Variants in DNAH17 observed in about 807,000 individuals in gnomAD.
DNAH17 encodes axonemal beta dynein heavy chain 17.
A neutral mutation model predicts 485.6 loss-of-function variants in DNAH17; 376 were observed. The ratio of observed to expected loss-of-function variants is 0.77; its 90% CI spans 0.71 to 0.84. The LOEUF is 0.84. Ranked by LOEUF, DNAH17 falls within the 40% of genes least tolerant of loss-of-function variation. DNAH17 has a pLI of 0.00. For synonymous variants in DNAH17, 3,031 were observed against 2,405.9 expected (o/e 1.26, Z -7.60); for missense variants, 6,370 against 5,839.3 (o/e 1.09, Z -2.96).
At position 78,491,457 on chromosome 17, in the gene DNAH17, T is replaced by C; in HGVS notation, c.6655A>G (p.Met2219Val). ...GGCCCGCGAACCTTGTTGTCATCCA[T>C]GACTGTGTTGAGAGACTCGATCCAC... is the stretch of plus-strand genomic sequence containing the variant. ...PMWIESLNTV[M>V]DDNKVLTLAS... is the part of the protein sequence containing the mutation. The change falls in exon 43 of 81, where the codon ATG becomes GTG. Residue 2219 changes from methionine to valine, a missense_variant. Met to Val is a conservative substitution (Grantham distance 21). Coordinates refer to ENST00000389840, the MANE Select transcript of DNAH17 (RefSeq NM_173628.4). 6.2e-7 allele frequency: 1 copy of C among 1,613,026 alleles called. No homozygotes were observed. Among genetic ancestry groups the C allele is most frequent in the Non-Finnish European group, 8.5e-7 (1 of 1,179,572 alleles).
Position 78,526,659 on chromosome 17 carries a change from G to A in DNAH17, c.3703C>T (p.Leu1235=), listed in dbSNP as rs1421086713. ...CCCTTGAGCAAAAATACCTTATTCAGGGACTTGTAGGGGTTGGGGTCGCTG... is the reference window on the plus strand; with the variant it reads ...CCCTTGAGCAAAAATACCTTATTCAAGGACTTGTAGGGGTTGGGGTCGCTG... ...SFSDPNPYKS[L]NKQQKSISAM... is the part of the protein sequence containing the mutation. The change falls in exon 24 of 81, where the codon CTG becomes TTG. Residue 1235 remains leucine, a synonymous_variant. Transcript: ENST00000389840. The A allele has an allele frequency of 1.2e-6, 2 of 1,603,514 alleles. No individual in the cohort carries two copies. The highest frequency in any genetic ancestry group is 1.7e-6 in the Non-Finnish European group (2 of 1,172,652).
intron 1 of DNAH17, among the ~76,000 whole-genome samples, chr17:78,575,478 TG>T (rs2092420612): frequency 1.3e-5 from 2 of 152,010 alleles, no homozygotes; most frequent in Admixed American, 1.3e-4. Flanking sequence ...TGAAAGGTCC[TG>T]GGAAAGCAAT....
rs748524638 is a variant in DNAH17 at position 78,567,105 on chromosome 17, C to A, written c.1346G>T (p.Arg449Leu). ...KLEKIELGGV[R>L]GNLLGSLVTR... ...CACCAGGCTCCCGAGGAGGTTCCCACGCACGCCCCCAAGCTCGATTTTCTC... is the reference window on the plus strand; with the variant it reads ...CACCAGGCTCCCGAGGAGGTTCCCAAGCACGCCCCCAAGCTCGATTTTCTC... The change falls in exon 10 of 81, where the codon CGT becomes CTT. Residue 449 changes from arginine (R) to leucine (L), a missense_variant. Physicochemically the swap from Arg to Leu is moderately radical, Grantham distance 102. Transcript: ENST00000389840. The A allele has an allele frequency of 6.2e-7, 1 of 1,612,300 alleles. No individual in the cohort carries two copies. Among genetic ancestry groups the A allele is most frequent in the African/African-American group, 1.3e-5 (1 of 74,998 alleles).
intron 37 of DNAH17, 120 bp downstream of exon 37, chr17:78,498,888 C>A: frequency 1.4e-6 from 1 of 721,960 alleles, no homozygotes; most frequent in Non-Finnish European, 2.2e-6. Flanking sequence ...ACCACACCAC[C>A]CTTCGGTGCT....
At position 78,461,708 on chromosome 17, in the gene DNAH17, C is replaced by A; in HGVS notation, c.9175G>T (p.Val3059Leu). 6.2e-7 allele frequency: 1 copy of A among 1,609,268 alleles called. No individual in the cohort carries two copies. Among genetic ancestry groups the A allele is most frequent in the Non-Finnish European group, 8.5e-7 (1 of 1,177,966 alleles). Residue 3059 changes from valine to leucine, a missense_variant and splice_region_variant, in exon 58 of 81, where the codon GTG (valine) becomes TTG (leucine). Val to Leu is a conservative substitution (Grantham distance 32). Transcript: ENST00000389840. ...LMKLQSTASQ[V>L]DDLKAKLAIQ... ...GCCAACTTGGCTTTCAAATCATCCA[C>A]CTGGGGAAGGAGAAACCGAGAAACA...
chr17:78,555,570 G>T (rs906864466), intron 14 of DNAH17, among the ~76,000 whole-genome samples: 1 of 111,782 alleles, frequency 8.9e-6, no homozygotes, highest in East Asian at 2.4e-4. Context: ...AAAAAAAGAG[G>T]CAAGAAGGTC....
At chr17:78,424,354 G>T (rs185739281) in intron 80 of DNAH17, 55 of 598,058 alleles carry the variant, frequency 9.2e-5, no homozygotes, top group African/African-American at 8.5e-4. Context: ...GTCCCGCTGG[G>T]CTCAAGGAAC....
chr17:78,469,275 G>A lies in DNAH17; in HGVS notation c.8512-392C>T, dbSNP rs542338710. On this transcript the variant is annotated intron_variant, in intron 54 of 80. Coordinates refer to ENST00000389840, the MANE Select transcript of DNAH17 (RefSeq NM_173628.4). ...TCCTGCCTCAGCCTCCCGAGTAGCT[G>A]GGACTACAGGCACCCGCCACCACGC... Among the ~76,000 whole-genome samples, 3 of 152,310 alleles carry A rather than the reference G, an allele frequency of 2.0e-5. No homozygotes were observed. The East Asian group carries it at 5.8e-4, about 29-fold the overall frequency.
At chr17:78,543,757 G>A (rs533602078) in intron 17 of DNAH17, 100 bp downstream of exon 17, 5 of 1,541,892 alleles carry the variant, frequency 3.2e-6, no homozygotes, top group African/African-American at 2.7e-5. Context: ...CAAGAAATGT[G>A]TCACTAATCA....
chr17:78,505,708 G>T (rs1443061077), intron 30 of DNAH17, among the ~76,000 whole-genome samples: 3 of 152,204 alleles, frequency 2.0e-5, no homozygotes, highest in Admixed American at 1.3e-4. Flanking sequence ...GTGGGGCATG[G>T]TGGCTCACAC....
At chr17:78,488,137 GA>G (rs1360575084) in intron 44 of DNAH17, among the ~76,000 whole-genome samples, 1 of 152,214 alleles carries the variant, frequency 6.6e-6, no homozygotes, top group Non-Finnish European at 1.5e-5. Flanking sequence ...GCCTTGGTAG[GA>G]GTCACTGAGT....
chr17:78,485,528 G>T lies in DNAH17; in HGVS notation c.7483+22C>A, dbSNP rs753181294. 5.8e-6 allele frequency: 9 copies of T among 1,557,032 alleles called. No homozygotes were observed. In the East Asian group the frequency reaches 2.1e-4, roughly 37 times the overall value. On this transcript the variant is annotated intron_variant, in intron 47 of 80. Coordinates refer to ENST00000389840, the MANE Select transcript of DNAH17 (RefSeq NM_173628.4). ...TGGCGGGGGGCAGCCGGGTAGGCAGGGCGTGGCCGGACCAGCCTCACCCTG... is the reference window on the plus strand; with the variant it reads ...TGGCGGGGGGCAGCCGGGTAGGCAGTGCGTGGCCGGACCAGCCTCACCCTG...
intron 13 of DNAH17, among the ~76,000 whole-genome samples, chr17:78,559,304 C>G (rs2092100345): frequency 1.3e-5 from 2 of 152,226 alleles, no homozygotes; most frequent in South Asian, 2.1e-4. Context: ...CAGGTGACAT[C>G]TCACACCCAA....
chr17:78,567,073 T>C lies in DNAH17; in HGVS notation c.1378A>G (p.Ile460Val). The part of the protein sequence containing the change: ...GNLLGSLVTR[I>V]YDEVFELVKV... ...ACCAGCTCAAAGACCTCATCATAGA[T>C]ACGGGTCACCAGGCTCCCGAGGAGG... is the stretch of plus-strand genomic sequence containing the variant. The change falls in exon 10 of 81, where the codon ATC (isoleucine) becomes GTC (valine). Residue 460 changes from isoleucine (I) to valine (V), a missense_variant. Transcript: ENST00000389840. The C allele has an allele frequency of 6.2e-7, 1 of 1,613,678 alleles. No individual in the cohort carries two copies. The highest frequency in any genetic ancestry group is 8.5e-7 in the Non-Finnish European group (1 of 1,179,772).
At chr17:78,577,151 C>G (rs1417325338) in intron 1 of DNAH17, 144 bp downstream of exon 1, 1 of 152,352 alleles carries the variant, frequency 6.6e-6, no homozygotes, top group Non-Finnish European at 1.5e-5. Context: ...ATGAACAGCT[C>G]CCGGTGGCGA....
rs1321453972 is a variant in DNAH17 at position 78,507,475 on chromosome 17, T to G, written c.4567A>C (p.Ile1523Leu). The part of the protein sequence containing the change: ...LPGDSQRFDD[I>L]NQEFKALMED... ...GTGCTCACCTTGAATTCCTGGTTGA[T>G]GTCGTCAAAGCGCTGGGAGTCCCCC... Residue 1523 changes from isoleucine to leucine, a missense_variant, in exon 28 of 81, where the codon ATC becomes CTC. Transcript: ENST00000389840. The G allele has an allele frequency of 6.2e-7, 1 of 1,612,276 alleles. No individual in the cohort carries two copies. Among genetic ancestry groups the G allele is most frequent in the South Asian group, 1.1e-5 (1 of 91,076 alleles).
At position 78,485,042 on chromosome 17, in the gene DNAH17, G is replaced by T. The variant is rs556386781; in HGVS notation, c.7484-9C>A. On this transcript the variant is annotated splice_polypyrimidine_tract_variant and intron_variant, in intron 47 of 80. Coordinates refer to ENST00000389840, the MANE Select transcript of DNAH17 (RefSeq NM_173628.4). ...CGGCTTCTCCAGCACCCCTAGAGAG[G>T]GCAGAGGGTCAGCTGCCCGCCTGCG... is the stretch of plus-strand genomic sequence containing the variant. The T allele has an allele frequency of 2.5e-6, 4 of 1,596,146 alleles. No homozygotes were observed. Among genetic ancestry groups the T allele is most frequent in the Non-Finnish European group, 3.4e-6 (4 of 1,171,444 alleles).
At chr17:78,494,457 T>C in intron 40 of DNAH17, 136 bp downstream of exon 40, 1 of 1,065,186 alleles carries the variant, frequency 9.4e-7, no homozygotes. Flanking sequence ...CGGAGGCAGC[T>C]GTGGCTCAGA....
Position 78,575,011 on chromosome 17 carries a change from G to T in DNAH17, c.47C>A (p.Ala16Asp). The T allele has an allele frequency of 6.2e-7, 1 of 1,613,946 alleles. No individual in the cohort carries two copies. The highest frequency in any genetic ancestry group is 8.5e-7 in the Non-Finnish European group (1 of 1,179,874). ...CGGCTTGAACTTCAGGACGATGGAG[G>T]CAACTTCCTCCAGATACTCTAGTCT... Reference protein sequence around the residue: ...DVRLEYLEEVASIVLKFKPDK... With the variant: ...DVRLEYLEEVDSIVLKFKPDK... The change falls in exon 2 of 81, where the codon GCC (alanine) becomes GAC (aspartate). Residue 16 changes from alanine to aspartate, a missense_variant. Coordinates refer to ENST00000389840, the MANE Select transcript of DNAH17 (RefSeq NM_173628.4).
Sources: allele counts gnomAD v4.1 joint callset (sites outside exome capture counted in the v4.1 genomes callset), GRCh38; gene constraint gnomAD v4.1.1; transcripts MANE v1.5; gene names NCBI Gene and HGNC (gene_info 2026-07-23, HGNC 2026-07-21).